The following ANKRD44 variants were observed in gnomAD, a reference collection of about 807,000 sequenced individuals.
The protein encoded by ANKRD44 is ankyrin repeat domain 44.
Under a neutral mutation model 116.0 loss-of-function variants are expected in ANKRD44, and 35 were observed. The ratio of observed to expected loss-of-function variants is 0.30; its 90% CI spans 0.23 to 0.40. The LOEUF (loss-of-function observed/expected upper bound fraction) is 0.40. Among genes scored for constraint, ANKRD44 ranks in the 10% least tolerant of loss-of-function variants. ANKRD44 has a pLI of 1.00. For synonymous variants in ANKRD44, 435 were observed against 461.8 expected (o/e 0.94, Z 0.74); for missense variants, 1,014 against 1,242.6 (o/e 0.82, Z 2.77).
chr2:197,300,021 G>C (rs1205182250), intron 1 of ANKRD44, among the ~76,000 whole-genome samples: 1 of 152,212 alleles, frequency 6.6e-6, no homozygotes, highest in Admixed American at 6.5e-5. Context: ...GACACAGAAG[G>C]GCCCATAAGG....
intron 21 of ANKRD44, among the ~76,000 whole-genome samples, chr2:196,980,547 C>T (rs1443390555): frequency 6.6e-6 from 1 of 152,002 alleles, no homozygotes; most frequent in Non-Finnish European, 1.5e-5. Flanking sequence ...TATAGAATTC[C>T]AATAATTTCA....
chr2:197,033,135 A>G (rs551596367), intron 16 of ANKRD44, among the ~76,000 whole-genome samples: 1 of 152,300 alleles, frequency 6.6e-6, no homozygotes, highest in African/African-American at 2.4e-5. Context: ...GAATGAGGCC[A>G]CTGAGAGTGA....
At chr2:197,065,429 A>C (rs1397689766) in intron 16 of ANKRD44, among the ~76,000 whole-genome samples, 3 of 152,230 alleles carry the variant, frequency 2.0e-5, no homozygotes, top group Non-Finnish European at 4.4e-5. Context: ...AGCTAGCAGA[A>C]GGCAAGAAAT....
intron 22 of ANKRD44, among the ~76,000 whole-genome samples, chr2:197,001,033 G>C (rs931397940): frequency 2.0e-5 from 3 of 152,178 alleles, no homozygotes; most frequent in Admixed American, 1.3e-4. Context: ...GCGAGACTCC[G>C]TCTCAAAAAA....
At chr2:197,229,760 C>A (rs2081812023) in intron 1 of ANKRD44, among the ~76,000 whole-genome samples, 1 of 152,130 alleles carries the variant, frequency 6.6e-6, no homozygotes, top group Non-Finnish European at 1.5e-5. Flanking sequence ...CAAAGTCACA[C>A]AGTAGATACA....
At chr2:196,974,088 C>CTTT (rs113868254) in intron 21 of ANKRD44, among the ~76,000 whole-genome samples, 1 of 146,666 alleles carries the variant, frequency 6.8e-6, no homozygotes, top group Non-Finnish European at 1.5e-5. Context: ...CTCTCATACT[C>CTTT]TTTTTTTTTT....
At chr2:197,105,952 C>T (rs2078416322) in intron 9 of ANKRD44, among the ~76,000 whole-genome samples, 1 of 152,176 alleles carries the variant, frequency 6.6e-6, no homozygotes, top group Admixed American at 6.5e-5. Context: ...CCACATCCTT[C>T]CCAGCCAAGA....
intron 23 of ANKRD44, 61 bp downstream of exon 23, chr2:197,000,358 C>T: frequency 7.4e-7 from 1 of 1,342,400 alleles, no homozygotes. Context: ...GGCTACTCTG[C>T]AACTGCAAAG....
rs183496280 is a variant in ANKRD44 at position 197,078,895 on chromosome 2, G to A, written c.1539-81C>T. On this transcript the variant is annotated intron_variant, in intron 15 of 27. Coordinates refer to ENST00000282272, the MANE Select transcript of ANKRD44 (RefSeq NM_001195144.2). ...TAATTTATGTAAATCCTCCTATTAC[G>A]AACGTTCCATGAAGTACTTTATGAG... 2.0e-4 allele frequency: 282 copies of A among 1,410,372 alleles called. No individual in the cohort carries two copies. In the African/African-American group the frequency reaches 2.8e-3, roughly 14 times the overall value. The allele number at this position is 1,410,372 out of a possible 1,614,324, so 87.4% of individuals were successfully genotyped here.
chr2:197,022,702 G>C (rs981011070), intron 17 of ANKRD44, among the ~76,000 whole-genome samples: 3 of 152,132 alleles, frequency 2.0e-5, no homozygotes, highest in African/African-American at 7.2e-5. Context: ...TCTATGCTAC[G>C]TAAAATAGCA....
intron 16 of ANKRD44, among the ~76,000 whole-genome samples, chr2:197,056,790 T>C (rs1048874808): frequency 6.6e-6 from 1 of 152,194 alleles, no homozygotes; most frequent in Non-Finnish European, 1.5e-5. Flanking sequence ...TATCAATCCA[T>C]CTTGAATTGA....
At chr2:197,225,638 C>T (rs981174950) in intron 1 of ANKRD44, among the ~76,000 whole-genome samples, 4 of 152,218 alleles carry the variant, frequency 2.6e-5, no homozygotes, top group African/African-American at 9.7e-5. Flanking sequence ...GCCACCACGC[C>T]TGGCCAATCT....
At chr2:197,288,397 A>C (rs557934605) in intron 1 of ANKRD44, among the ~76,000 whole-genome samples, 153 of 152,330 alleles carry the variant, frequency 1.0e-3, no homozygotes, top group African/African-American at 3.5e-3. Context: ...ACCTCCATAC[A>C]ACCACTATGG....
At chr2:197,172,155 C>G (rs1330720789) in intron 2 of ANKRD44, among the ~76,000 whole-genome samples, 2 of 152,012 alleles carry the variant, frequency 1.3e-5, no homozygotes, top group Admixed American at 6.6e-5. Flanking sequence ...TGCCCACCAC[C>G]ACACTCGACT....
chr2:197,090,049 C>G lies in ANKRD44; in HGVS notation c.1101-17G>C. 6.3e-7 allele frequency: 1 copy of G among 1,594,438 alleles called. No homozygotes were observed. On this transcript the variant is annotated splice_polypyrimidine_tract_variant and intron_variant, in intron 10 of 27. Transcript: ENST00000282272. Reference sequence around the variant, plus strand: ...ATTCCACACCTGAGGAGTAAGAAAACAGAGCAACTCACGGCAACAGATCTC... The same window carrying G: ...ATTCCACACCTGAGGAGTAAGAAAAGAGAGCAACTCACGGCAACAGATCTC...
At chr2:197,252,332 G>A (rs13432601) in intron 1 of ANKRD44, among the ~76,000 whole-genome samples, 4 of 83,060 alleles carry the variant, frequency 4.8e-5, no homozygotes, top group South Asian at 3.7e-4. Context: ...CCCGCTACCC[G>A]CCCCGCCCCG....
chr2:197,145,384 C>G (rs541360833), intron 3 of ANKRD44, among the ~76,000 whole-genome samples: 2 of 152,150 alleles, frequency 1.3e-5, no homozygotes, highest in South Asian at 4.1e-4. Flanking sequence ...CCACAAAGTT[C>G]TTTATTTTAT....
At chr2:197,044,813 A>G (rs2076972766) in intron 16 of ANKRD44, among the ~76,000 whole-genome samples, 1 of 152,122 alleles carries the variant, frequency 6.6e-6, no homozygotes, top group Non-Finnish European at 1.5e-5. Context: ...TATACACACA[A>G]ATTCCTAGCA....
intron 1 of ANKRD44, among the ~76,000 whole-genome samples, chr2:197,257,022 C>A (rs1385738514): frequency 6.6e-6 from 1 of 152,110 alleles, no homozygotes; most frequent in Non-Finnish European, 1.5e-5. Context: ...CCTCTACAAG[C>A]AGCTCATCTT....
Sources: gnomAD v4.1 joint callset for allele counts (sites outside exome capture counted in the v4.1 genomes callset) on GRCh38, gnomAD v4.1.1 for gene constraint, MANE v1.5 for transcripts, NCBI Gene and HGNC (gene_info 2026-07-23, HGNC 2026-07-21) for gene names.